The following CFAP418 variants were observed in gnomAD, a reference collection of about 807,000 sequenced individuals.
CFAP418 encodes the protein cilia- and flagella-associated protein 418.
CFAP418 carries 27 observed loss-of-function variants against 24.7 expected under a neutral mutation model. The observed-to-expected ratio is 1.09, with a 90% confidence interval of 0.81 to 1.51. The LOEUF (loss-of-function observed/expected upper bound fraction) is 1.51, where lower values mean the gene tolerates loss of function less well. CFAP418 is among the 40% of genes most tolerant of loss of function. CFAP418 has a pLI of 0.00. For missense variants in CFAP418, 257 were observed against 255.2 expected, an observed-to-expected ratio of 1.01 and a Z score of -0.05; for synonymous variants, 74 against 87.3, an observed-to-expected ratio of 0.85 and a Z score of 0.85.
At chr8:95,256,485 T>C (rs1418604229) in intron 4 of CFAP418, among the ~76,000 whole-genome samples, 1 of 152,192 alleles carries the variant, frequency 6.6e-6, no homozygotes, top group Non-Finnish European at 1.5e-5. Context: ...ATATGTTTAG[T>C]TTTTAAGAGT....
chr8:95,249,359 C>T (rs1811674414), intron 5 of CFAP418, among the ~76,000 whole-genome samples: 2 of 152,156 alleles, frequency 1.3e-5, no homozygotes, highest in Admixed American at 1.3e-4. Context: ...GCTGACACTT[C>T]TTTTACAATG....
chr8:95,254,254 C>T (rs187994178), intron 4 of CFAP418, among the ~76,000 whole-genome samples: 2 of 152,342 alleles, frequency 1.3e-5, no homozygotes, highest in African/African-American at 2.4e-5. Context: ...ATGCTTCCTA[C>T]TACTATTCTC....
In CFAP418 at chr8:95,269,016, C is replaced by T. The variant is rs1812091167; in HGVS notation, c.155+19G>A. Reference sequence around the variant, plus strand: ...AGCAGGGCTTTACCAGAACAGTCCACCCCTCCCGCCCGGTTAACCTGAGCG... The same window carrying T: ...AGCAGGGCTTTACCAGAACAGTCCATCCCTCCCGCCCGGTTAACCTGAGCG... On this transcript the variant is annotated intron_variant, in intron 1 of 5. Transcript: ENST00000286688. 1 of 1,612,130 alleles carries T rather than the reference C, an allele frequency of 6.2e-7. No homozygotes were observed. Among genetic ancestry groups the T allele is most frequent in the South Asian group, 1.1e-5 (1 of 90,940 alleles).
chr8:95,247,917 A>C lies in CFAP418; in HGVS notation c.471-147T>G, dbSNP rs566460328. ...TACTCAGGCTGGATTGCGGTGGCAC[A>C]ATCATGGCTCACTGCAGCCTTGACC... On this transcript the variant is annotated intron_variant, in intron 5 of 5. Coordinates refer to ENST00000286688, the MANE Select transcript of CFAP418 (RefSeq NM_177965.4). 8.7e-5 allele frequency: 71 copies of C among 813,730 alleles called. No homozygotes were observed. The African/African-American group carries it at 1.2e-3, about 14-fold the overall frequency. 50.4% of individuals were successfully genotyped at this position (813,730 alleles called of 1,614,324 possible). A position where few individuals can be genotyped will look rare whatever the true frequency, so the allele number is the denominator to read the frequency against.
At chr8:95,267,528 T>C (rs1227932926) in intron 1 of CFAP418, among the ~76,000 whole-genome samples, 1 of 152,166 alleles carries the variant, frequency 6.6e-6, no homozygotes. Flanking sequence ...AGGCGGAGCT[T>C]GCAGTGAGCT....
intron 2 of CFAP418, among the ~76,000 whole-genome samples, chr8:95,263,307 T>C (rs1308328471): frequency 3.3e-5 from 5 of 152,186 alleles, no homozygotes; most frequent in Admixed American, 2.6e-4. Flanking sequence ...CATTGCTTCA[T>C]GGGATAAGAG....
chr8:95,268,939 G>T, intron 1 of CFAP418, 96 bp downstream of exon 1: 2 of 1,354,316 alleles, frequency 1.5e-6, no homozygotes, highest in Non-Finnish European at 1.0e-6. Context: ...GCTGGAGGTC[G>T]CGGGCACGTT....
chr8:95,261,130 T>A lies in CFAP418; in HGVS notation c.244-598A>T, dbSNP rs556830814. 2.0e-5 allele frequency among the ~76,000 whole-genome samples: 3 copies of A among 152,286 alleles called. No individual in the cohort carries two copies. The East Asian group carries it at 5.8e-4, about 29-fold the overall frequency. On this transcript the variant is annotated intron_variant, in intron 2 of 5. Transcript: ENST00000286688. ...AGCATTTATTAAGTGTTAACTGGTA[T>A]ATGGTACCAAACAACATAAACCAAC...
chr8:95,252,484 AACCT>A (rs1220394164), intron 4 of CFAP418, among the ~76,000 whole-genome samples: 1 of 152,214 alleles, frequency 6.6e-6, no homozygotes, highest in Non-Finnish European at 1.5e-5. Flanking sequence ...TTTTTGCACA[AACCT>A]ACCTATTTTA....
At chr8:95,268,975 C>T in intron 1 of CFAP418, 60 bp downstream of exon 1, 1 of 1,539,116 alleles carries the variant, frequency 6.5e-7, no homozygotes. Context: ...GGCGGAGGGG[C>T]AGCTCTAGGG....
At chr8:95,253,479 A>C (rs2132156294) in intron 4 of CFAP418, among the ~76,000 whole-genome samples, 1 of 142,440 alleles carries the variant, frequency 7.0e-6, no homozygotes, top group East Asian at 2.0e-4. Context: ...CTGTAATGAA[A>C]AAATAAACTC....
rs893585115 is a variant in CFAP418, at chr8:95,247,723, T to G, written c.518A>C (p.Lys173Thr). The G allele has an allele frequency of 4.3e-6, 7 of 1,613,220 alleles. No individual in the cohort carries two copies. The highest frequency in any genetic ancestry group is 4.0e-5 in the African/African-American group (3 of 74,888). The change falls in exon 6 of 6, where the codon AAG (lysine) becomes ACG (threonine). Residue 173 changes from lysine to threonine, a missense_variant. Physicochemically the swap from Lys to Thr is moderately conservative, Grantham distance 78. Transcript: ENST00000286688. ...GCAGGCATATGCCCGTGTTCCTTTCTTCTTTATCAACTTTGCTTTTAATTT... is the reference window on the plus strand; with the variant it reads ...GCAGGCATATGCCCGTGTTCCTTTCGTCTTTATCAACTTTGCTTTTAATTT... ...FHKLKAKLIK[K>T]KGTRAYACQC...
chr8:95,263,042 T>G (rs1424820304), intron 2 of CFAP418, among the ~76,000 whole-genome samples: 1 of 152,148 alleles, frequency 6.6e-6, no homozygotes, highest in Non-Finnish European at 1.5e-5. Flanking sequence ...ATGGAAAGGA[T>G]AAATGGTTAT....
chr8:95,256,425 G>A (rs1811792348), intron 4 of CFAP418, among the ~76,000 whole-genome samples: 1 of 152,140 alleles, frequency 6.6e-6, no homozygotes, highest in Non-Finnish European at 1.5e-5. Flanking sequence ...TGCACCATAG[G>A]CATAGTTTTC....
Position 95,260,550 on chromosome 8 carries a change from CA to C in CFAP418, c.244-19del. ...TTTAATTTCTGTTAAAAAAGCAAAACAATAAAAGGCCATGAGTAACTTAGAA... is the reference window on the plus strand; with the variant it reads ...TTTAATTTCTGTTAAAAAAGCAAAACATAAAAGGCCATGAGTAACTTAGAA... On this transcript the variant is annotated intron_variant, in intron 2 of 5. Transcript: ENST00000286688. 6.7e-7 allele frequency: 1 copy of C among 1,501,820 alleles called. No homozygotes were observed. The highest frequency in any genetic ancestry group is 1.2e-5 in the South Asian group (1 of 81,770). The allele number at this position is 1,501,820 out of a possible 1,614,324, so 93.0% of individuals were successfully genotyped here. A position where few individuals can be genotyped will look rare whatever the true frequency, so the allele number is the denominator to read the frequency against.
chr8:95,261,989 G>C (rs989499290), intron 2 of CFAP418, among the ~76,000 whole-genome samples: 1 of 152,186 alleles, frequency 6.6e-6, no homozygotes, highest in Admixed American at 6.5e-5. Context: ...TCAGTATTTA[G>C]GAAGTATTCT....
At chr8:95,251,257 C>T (rs1251289884) in intron 5 of CFAP418, among the ~76,000 whole-genome samples, 1 of 152,044 alleles carries the variant, frequency 6.6e-6, no homozygotes, top group Non-Finnish European at 1.5e-5. Flanking sequence ...AGTTTTCTTC[C>T]AGTTGAGAGA....
At chr8:95,253,224 G>A (rs1196589027) in intron 4 of CFAP418, among the ~76,000 whole-genome samples, 1 of 151,972 alleles carries the variant, frequency 6.6e-6, no homozygotes, top group Non-Finnish European at 1.5e-5. Context: ...GCAGGAGAAT[G>A]GCGTGAACCC....
At chr8:95,252,387 C>A in intron 4 of CFAP418, 104 bp from the exon 5 acceptor site, 1 of 678,118 alleles carries the variant, frequency 1.5e-6, no homozygotes, top group Non-Finnish European at 2.5e-6. Flanking sequence ...TTACAGATTA[C>A]TGAATAAACA....
Sources: gnomAD v4.1 joint callset for allele counts (sites outside exome capture counted in the v4.1 genomes callset) on GRCh38, gnomAD v4.1.1 for gene constraint, MANE v1.5 for transcripts, NCBI Gene and HGNC (gene_info 2026-07-23, HGNC 2026-07-21) for gene names.